PRR12: variants seen among roughly 807,000 people sequenced by gnomAD.
PRR12 encodes proline-rich protein 12.
Under a neutral mutation model 138.0 loss-of-function variants are expected in PRR12, and 12 were observed. The ratio of observed to expected loss-of-function variants is 0.09; its 90% CI spans 0.06 to 0.14. PRR12 has a LOEUF of 0.14. PRR12 is among the 10% of genes least tolerant of loss of function. The pLI, the probability that PRR12 is intolerant of heterozygous loss-of-function variation, is 1.00. For synonymous variants in PRR12, 1,567 were observed against 1,291.7 expected (o/e 1.21, Z -4.57); for missense variants, 2,692 against 2,861.3 (o/e 0.94, Z 1.35).
rs575577351 is a variant in PRR12, at chr19:49,609,918, A to G, written c.4774-4615A>G. Among the ~76,000 whole-genome samples, 22 of 152,026 alleles carry G rather than the reference A, an allele frequency of 1.4e-4. No homozygotes were observed. In the South Asian group the frequency reaches 4.3e-3, roughly 30 times the overall value. On this transcript the variant is annotated intron_variant, in intron 6 of 13. Coordinates refer to ENST00000418929, the MANE Select transcript of PRR12 (RefSeq NM_020719.3). The stretch of plus-strand genomic sequence containing the variant: ...TTCAAGCCTGGATAGTACTCTGTCC[A>G]CAGCCTCTGTCCTGGGACGGACTCC...
At position 49,597,039 on chromosome 19, in the gene PRR12, C is replaced by A. The variant is rs1490863977; in HGVS notation, c.2704C>A (p.Pro902Thr). 6.4e-7 allele frequency: 1 copy of A among 1,555,820 alleles called. No homozygotes were observed. The highest frequency in any genetic ancestry group is 1.9e-5 in the Admixed American group (1 of 51,490). ...PAPGDTGVGPPNSEGKDPAGA... is the reference protein window; with the variant it reads ...PAPGDTGVGPTNSEGKDPAGA... ...GCCTGGGGATACTGGCGTAGGCCCA[C>A]CAAACTCGGAGGGCAAGGATCCCGC... Residue 902 changes from proline (P) to threonine (T), a missense_variant, in exon 4 of 14, where the codon CCA becomes ACA. Physicochemically the swap from Pro to Thr is conservative, Grantham distance 38. Around this residue, in one of 11 missense-constraint regions of PRR12, gnomAD observed 840 missense variants for 689.8 expected, o/e 1.22. Coordinates refer to ENST00000418929, the MANE Select transcript of PRR12 (RefSeq NM_020719.3). This position sits in a 1 kb window ranked among gnomAD's most constrained non-coding sequence, Gnocchi z 6.3.
At position 49,614,417 on chromosome 19, in the gene PRR12, G is replaced by A. The variant is rs979573843; in HGVS notation, c.4774-116G>A. 1.4e-5 allele frequency: 9 copies of A among 663,756 alleles called. No homozygotes were observed. Among genetic ancestry groups the A allele is most frequent in the East Asian group, 2.8e-5 (1 of 36,028 alleles). The allele number at this position is 663,756 out of a possible 1,614,324, so 41.1% of individuals were successfully genotyped here. A position where few individuals can be genotyped will look rare whatever the true frequency, so the allele number is the denominator to read the frequency against. ...GGGGTAGAAGATATTTGTTGTTGAC[G>A]TGTCTGCCTTTTCTCTAAGGGGATG... is the stretch of plus-strand genomic sequence containing the variant. On this transcript the variant is annotated intron_variant, in intron 6 of 13. Coordinates refer to ENST00000418929, the MANE Select transcript of PRR12 (RefSeq NM_020719.3). This position sits in a 1 kb window ranked among gnomAD's most constrained non-coding sequence, Gnocchi z 5.0.
Position 49,596,111 on chromosome 19 carries a change from A to G in PRR12, c.1776A>G (p.Ser592=), listed in dbSNP as rs1489875724. Residue 592 remains serine, a synonymous_variant, in exon 4 of 14, where the codon TCA becomes TCG. Coordinates refer to ENST00000418929, the MANE Select transcript of PRR12 (RefSeq NM_020719.3). The surrounding 1 kb of genome is among the most constrained non-coding windows in gnomAD (Gnocchi z 5.6). ...SPGAPGKYLS[S]VLASAPFLAP... ...GAGCCCCTGGCAAATACCTGAGCTCAGTCTTGGCCTCAGCGCCTTTCCTGG... is the reference window on the plus strand; with the variant it reads ...GAGCCCCTGGCAAATACCTGAGCTCGGTCTTGGCCTCAGCGCCTTTCCTGG... The G allele has an allele frequency of 1.9e-6, 3 of 1,603,430 alleles. No homozygotes were observed. The highest frequency in any genetic ancestry group is 1.3e-5 in the African/African-American group (1 of 75,046).
chr19:49,605,296 C>T (rs558797790), intron 6 of PRR12, among the ~76,000 whole-genome samples: 1 of 152,188 alleles, frequency 6.6e-6, no homozygotes, highest in African/African-American at 2.4e-5. Context: ...GTGTTTCGCT[C>T]TTGTTGCCCA....
intron 6 of PRR12, among the ~76,000 whole-genome samples, chr19:49,604,523 C>T (rs913214221): frequency 6.6e-6 from 1 of 151,874 alleles, no homozygotes; most frequent in Non-Finnish European, 1.5e-5. Context: ...ACTAAAAATA[C>T]AACAATTAGC....
At chr19:49,593,151 T>C (rs994781173) in intron 1 of PRR12, among the ~76,000 whole-genome samples, 176 bp from the exon 2 acceptor site, 1 of 152,146 alleles carries the variant, frequency 6.6e-6, no homozygotes, top group African/African-American at 2.4e-5. Flanking sequence ...TGTGGCTCTT[T>C]AGTTGAGCAC....
At chr19:49,598,161 C>T in intron 4 of PRR12, 148 bp downstream of exon 4, 5 of 951,036 alleles carry the variant, frequency 5.3e-6, no homozygotes, top group Non-Finnish European at 6.8e-6. Flanking sequence ...GCAAGCTCCG[C>T]CTCCCGGGTT....
rs1156339791 is a variant in PRR12 at position 49,616,252 on chromosome 19, G to A, written c.5497+33G>A. ...CCTAGGCAGCCTCAGGGCTGCAGGG[G>A]TGGGTGGGGAAGGGACACAGGTGAG... On this transcript the variant is annotated intron_variant, in intron 9 of 13. Transcript: ENST00000418929. The surrounding 1 kb of genome is among the most constrained non-coding windows in gnomAD (Gnocchi z 4.2). 1 of 1,480,096 alleles carries A rather than the reference G, an allele frequency of 6.8e-7. No individual in the cohort carries two copies. Among genetic ancestry groups the A allele is most frequent in the Non-Finnish European group, 9.0e-7 (1 of 1,112,404 alleles). 91.7% of individuals were successfully genotyped at this position (1,480,096 alleles called of 1,614,324 possible).
At chr19:49,622,833 A>G (rs1020206910) in intron 11 of PRR12, among the ~76,000 whole-genome samples, 1 of 147,318 alleles carries the variant, frequency 6.8e-6, no homozygotes, top group Non-Finnish European at 1.5e-5. Flanking sequence ...CGGAGCTTGC[A>G]GTGAGGCGAG....
Position 49,596,475 on chromosome 19 carries a change from G to T in PRR12, c.2140G>T (p.Ala714Ser). The change falls in exon 4 of 14, where the codon GCC (alanine) becomes TCC (serine). Residue 714 changes from alanine to serine, a missense_variant. Physicochemically the swap from Ala to Ser is moderately conservative, Grantham distance 99. This residue lies in a region of PRR12 where 840 missense variants were observed against 689.8 expected (regional missense o/e 1.22). Transcript: ENST00000418929. This position sits in a 1 kb window ranked among gnomAD's most constrained non-coding sequence, Gnocchi z 5.6. ...IRTSASLDEGATAALELGLGR... is the reference protein window; with the variant it reads ...IRTSASLDEGSTAALELGLGR... ...CACCAGTGCCAGCCTGGATGAGGGTGCCACTGCGGCACTGGAGCTGGGCCT... is the reference window on the plus strand; with the variant it reads ...CACCAGTGCCAGCCTGGATGAGGGTTCCACTGCGGCACTGGAGCTGGGCCT... 1 of 1,610,972 alleles carries T rather than the reference G, an allele frequency of 6.2e-7. No individual in the cohort carries two copies. The highest frequency in any genetic ancestry group is 8.5e-7 in the Non-Finnish European group (1 of 1,179,280).
intron 6 of PRR12, among the ~76,000 whole-genome samples, chr19:49,612,498 G>C (rs1389980672): frequency 6.6e-6 from 1 of 151,996 alleles, no homozygotes; most frequent in Non-Finnish European, 1.5e-5. Flanking sequence ...GAGGAAAAGT[G>C]GTTTGATGGA....
chr19:49,592,152 C>T (rs1026740773), intron 1 of PRR12, among the ~76,000 whole-genome samples: 2 of 151,952 alleles, frequency 1.3e-5, no homozygotes, highest in Non-Finnish European at 2.9e-5. Context: ...CTGGGGGGCG[C>T]GAACCCCCTC....
In PRR12 at chr19:49,601,483, TC is replaced by T; in HGVS notation, c.4346-3del. The T allele has an allele frequency of 2.1e-6, 3 of 1,451,548 alleles. No individual in the cohort carries two copies. The highest frequency in any genetic ancestry group is 1.9e-6 in the Non-Finnish European group (2 of 1,068,512). The allele number at this position is 1,451,548 out of a possible 1,614,324, so 89.9% of individuals were successfully genotyped here. ...AACATCCAGGCCTGATGTCCCTGTC[TC>T]CCCCAGAGCCCCCGCTGCTGGAGGA... is the stretch of plus-strand genomic sequence containing the variant. On this transcript the variant is annotated splice_polypyrimidine_tract_variant and splice_region_variant and intron_variant, in intron 5 of 13. Coordinates refer to ENST00000418929, the MANE Select transcript of PRR12 (RefSeq NM_020719.3).
chr19:49,603,336 T>C (rs1322702338), intron 6 of PRR12, among the ~76,000 whole-genome samples: 1 of 152,222 alleles, frequency 6.6e-6, no homozygotes, highest in Admixed American at 6.5e-5. Context: ...ATGTCAATCA[T>C]TGTCATTGAT....
In PRR12 at chr19:49,593,334, T is replaced by A. The variant is rs1447927015; in HGVS notation, c.94T>A (p.Tyr32Asn). The A allele has an allele frequency of 6.3e-7, 1 of 1,596,566 alleles. No individual in the cohort carries two copies. The highest frequency in any genetic ancestry group is 8.6e-7 in the Non-Finnish European group (1 of 1,169,528). The change falls in exon 2 of 14, where the codon TAT (tyrosine) becomes AAT (asparagine). Residue 32 changes from tyrosine to asparagine, a missense_variant. By Grantham distance (143) the Tyr-to-Asn change is moderately radical. Transcript: ENST00000418929. ...TCTCCCCTTTCCCCCCAGCTTGGTT[T>A]ATGGCAGCTCCAGGACCTCGCACCC... ...YERSAKASLV[Y>N]GSSRTSHPET...
chr19:49,597,958 G>A lies in PRR12; in HGVS notation c.3623G>A (p.Gly1208Asp). Residue 1208 changes from glycine (G) to aspartate (D), a missense_variant, in exon 4 of 14, where the codon GGT becomes GAT. Gly to Asp is a moderately conservative substitution (Grantham distance 94). Coordinates refer to ENST00000418929, the MANE Select transcript of PRR12 (RefSeq NM_020719.3). The surrounding 1 kb of genome is among the most constrained non-coding windows in gnomAD (Gnocchi z 6.3). ...CCCCGGGGCCGGGGCCGAGGCCGGG[G>A]TCGAAAGGCTGAGGAGGCAGGGGGC... ...KKPRGRGRGR[G>D]RKAEEAGGTR... 7.1e-7 allele frequency: 1 copy of A among 1,401,258 alleles called. No homozygotes were observed. Among genetic ancestry groups the A allele is most frequent in the Non-Finnish European group, 9.2e-7 (1 of 1,081,334 alleles). 86.8% of individuals were successfully genotyped at this position (1,401,258 alleles called of 1,614,324 possible).
chr19:49,622,908 C>CATATATATATATAT (rs61466559), intron 11 of PRR12, among the ~76,000 whole-genome samples: 9 of 97,214 alleles, frequency 9.3e-5, no homozygotes, highest in African/African-American at 3.4e-4. Context: ...AAAACAAAAA[C>CATATATATATATAT]ATATATATAT....
rs927864522 is a variant in PRR12 at position 49,614,140 on chromosome 19, TG to T, written c.4774-387del. Among the ~76,000 whole-genome samples the T allele has an allele frequency of 9.2e-5, 14 of 151,918 alleles. No homozygotes were observed. Among genetic ancestry groups the T allele is most frequent in the Non-Finnish European group, 1.6e-4 (11 of 67,986 alleles). On this transcript the variant is annotated intron_variant, in intron 6 of 13. Transcript: ENST00000418929. This position sits in a 1 kb window ranked among gnomAD's most constrained non-coding sequence, Gnocchi z 5.0. ...AAGAAAAAGTAAAAAGAGAATTATG[TG>T]GGGGGACAGTCAGACCACAACAGGA...
In PRR12 at chr19:49,596,143, C is replaced by A. The variant is rs535703648; in HGVS notation, c.1808C>A (p.Pro603Gln). The A allele has an allele frequency of 1.2e-6, 2 of 1,606,348 alleles. No homozygotes were observed. Among genetic ancestry groups the A allele is most frequent in the Admixed American group, 3.3e-5 (2 of 60,018 alleles). The change falls in exon 4 of 14, where the codon CCG becomes CAG. Residue 603 changes from proline to glutamine, a missense_variant. Physicochemically the swap from Pro to Gln is moderately conservative, Grantham distance 76. Coordinates refer to ENST00000418929, the MANE Select transcript of PRR12 (RefSeq NM_020719.3). This position sits in a 1 kb window ranked among gnomAD's most constrained non-coding sequence, Gnocchi z 5.6. Reference sequence around the variant, plus strand: ...GCCTCAGCGCCTTTCCTGGCACCTCCGGGAGCTGGCAGCTATGCAGCCGGA... The same window carrying A: ...GCCTCAGCGCCTTTCCTGGCACCTCAGGGAGCTGGCAGCTATGCAGCCGGA... ...VLASAPFLAP[P>Q]GAGSYAAGAG...
Sources: gnomAD v4.1 joint callset for allele counts (sites outside exome capture counted in the v4.1 genomes callset) on GRCh38, gnomAD v4.1.1 for gene constraint, gnomAD v4.1.1 regional missense constraint, Gnocchi (gnomAD v3.1) non-coding constraint, MANE v1.5 for transcripts, NCBI Gene and HGNC (gene_info 2026-07-23, HGNC 2026-07-21) for gene names.